LIMS1: variants seen among roughly 807,000 people sequenced by gnomAD.
LIMS1 encodes LIM zinc finger domain containing 1, also known as LIM and senescent cell antigen-like-containing domain protein 1.
Under a neutral mutation model 44.1 loss-of-function variants are expected in LIMS1, and 18 were observed. That is an observed-to-expected ratio of 0.41 (90% CI 0.28 to 0.61). The LOEUF (loss-of-function observed/expected upper bound fraction) is 0.61, where lower values mean the gene tolerates loss of function less well. Ranked by LOEUF, LIMS1 falls within the 20% of genes least tolerant of loss-of-function variation. The pLI is 0.32. For synonymous variants in LIMS1, 93 were observed against 149.1 expected (o/e 0.62, Z 2.74); for missense variants, 201 against 422.0 (o/e 0.48, Z 4.59).
chr2:108,558,375 G>T (rs1013501592), intron 1 of LIMS1, among the ~76,000 whole-genome samples: 1 of 151,942 alleles, frequency 6.6e-6, no homozygotes, highest in South Asian at 2.1e-4. Flanking sequence ...CTGCCACCAT[G>T]CCTGGCTAAT....
At position 108,628,186 on chromosome 2, in the gene LIMS1, C is replaced by G. The variant is rs115342792; in HGVS notation, c.33-31419C>G. ...TTCACCACAGCTCTGGTCACTTTCC[C>G]TTGACTTCTTGAAGTTTGACAGCAG... is the stretch of plus-strand genomic sequence containing the variant. On this transcript the variant is annotated intron_variant, in intron 1 of 9. Coordinates refer to ENST00000544547, the Ensembl canonical transcript of LIMS1. Among the ~76,000 whole-genome samples the G allele has an allele frequency of 4.1e-3, 620 of 152,348 alleles. 4 individuals carry two copies. Among genetic ancestry groups the G allele is most frequent in the African/African-American group, 0.014 (588 of 41,582 alleles).
At chr2:108,677,796 T>C (rs1425657071) in intron 7 of LIMS1, among the ~76,000 whole-genome samples, 183 bp from the exon 8 acceptor site, 3 of 152,256 alleles carry the variant, frequency 2.0e-5, no homozygotes, top group Admixed American at 2.0e-4. Flanking sequence ...CTGGAAAGTT[T>C]TTCTTTTAAT....
intron 1 of LIMS1, among the ~76,000 whole-genome samples, chr2:108,645,082 T>C (rs1689968960): frequency 6.6e-6 from 1 of 152,080 alleles, no homozygotes; most frequent in South Asian, 2.1e-4. Context: ...TTCCTCAGGA[T>C]ATTATCTAGG....
At chr2:108,558,981 T>G (rs556025233) in intron 1 of LIMS1, among the ~76,000 whole-genome samples, 8 of 152,244 alleles carry the variant, frequency 5.3e-5, no homozygotes, top group Admixed American at 6.5e-5. Context: ...AAGAACATAT[T>G]TAAATGTACA....
chr2:108,613,105 G>T (rs1687747582), intron 1 of LIMS1, among the ~76,000 whole-genome samples: 1 of 152,118 alleles, frequency 6.6e-6, no homozygotes, highest in Admixed American at 6.6e-5. Context: ...CTGTAAATGG[G>T]TATAATCACA....
intron 1 of LIMS1, among the ~76,000 whole-genome samples, chr2:108,584,054 G>A (rs541211915): frequency 6.6e-6 from 1 of 152,224 alleles, no homozygotes; most frequent in Admixed American, 6.5e-5. Context: ...AGGGATGGAT[G>A]GAAAAGGCTG....
chr2:108,642,991 G>C (rs187530311), intron 1 of LIMS1, among the ~76,000 whole-genome samples: 186 of 152,326 alleles, frequency 1.2e-3, no homozygotes, highest in African/African-American at 4.4e-3. Flanking sequence ...ATTTGCCGCA[G>C]TAGGTCAATC....
chr2:108,595,063 C>G (rs981522595), intron 1 of LIMS1, among the ~76,000 whole-genome samples: 4 of 152,116 alleles, frequency 2.6e-5, no homozygotes, highest in Non-Finnish European at 4.4e-5. Flanking sequence ...AGAATGTGAC[C>G]ATATCATGCA....
chr2:108,601,753 G>T (rs1687030300), intron 1 of LIMS1, among the ~76,000 whole-genome samples: 1 of 152,232 alleles, frequency 6.6e-6, no homozygotes, highest in Non-Finnish European at 1.5e-5. Context: ...CTGAACTCAG[G>T]TGATCCACCC....
chr2:108,660,303 C>T (rs1223918420), intron 2 of LIMS1: 3 of 468,150 alleles, frequency 6.4e-6, no homozygotes, highest in Non-Finnish European at 1.3e-5. Context: ...ACATTTAGCT[C>T]TCCTGGGTGT....
chr2:108,667,808 C>T (rs1286536565), intron 2 of LIMS1, among the ~76,000 whole-genome samples: 1 of 151,958 alleles, frequency 6.6e-6, no homozygotes, highest in African/African-American at 2.4e-5. Context: ...GGTATACTTA[C>T]TTGCATATAA....
At chr2:108,681,179 G>A (rs1692969835) in intron 9 of LIMS1, 3 of 1,256,844 alleles carry the variant, frequency 2.4e-6, no homozygotes, top group Non-Finnish European at 3.0e-6. Flanking sequence ...TTTGGAATAT[G>A]TTTTTGTTCT....
rs753691810 is a variant in LIMS1 at position 108,569,764 on chromosome 2, C to CCT, written c.32+35170_32+35171insCT. Reference sequence around the variant, plus strand: ...TACAAACACTCACCGCCATATCTGGCTTTTTTTTTTTTTTTTTTTAGTGAT... The same window carrying CCT: ...TACAAACACTCACCGCCATATCTGGCCTTTTTTTTTTTTTTTTTTTTAGTGAT... On this transcript the variant is annotated intron_variant, in intron 1 of 9. Coordinates refer to ENST00000544547, the Ensembl canonical transcript of LIMS1. Among the ~76,000 whole-genome samples, 24 of 113,126 alleles carry CCT rather than the reference C, an allele frequency of 2.1e-4. 3 individuals carry two copies. The highest frequency in any genetic ancestry group is 6.5e-4 in the East Asian group (2 of 3,058). 74.2% of individuals were successfully genotyped at this position (113,126 alleles called of 152,430 possible).
At chr2:108,686,305 C>CAAG (rs1426954771) in exon 10 of LIMS1, 2 of 151,776 alleles carry the variant, frequency 1.3e-5, no homozygotes, top group African/African-American at 4.8e-5. Flanking sequence ...GGCAACAGAG[C>CAAG]AAGACTCTGT....
intron 1 of LIMS1, among the ~76,000 whole-genome samples, chr2:108,636,154 G>A (rs955625546): frequency 1.3e-5 from 2 of 152,218 alleles, no homozygotes; most frequent in Non-Finnish European, 2.9e-5. Flanking sequence ...AGTGCCAAGG[G>A]AGGAGCCCTA....
intron 1 of LIMS1, among the ~76,000 whole-genome samples, chr2:108,591,079 G>A (rs1483458027): frequency 6.6e-6 from 1 of 152,208 alleles, no homozygotes; most frequent in Non-Finnish European, 1.5e-5. Context: ...CATTAGGGAA[G>A]CATCTGTGAT....
rs370588971 is a variant in LIMS1 at position 108,667,454 on chromosome 2, C to T, written c.193-3327C>T. ...CATGGTCAGTGTTCTTGACTCCTACCTGTCTTGTTAAAAGATGTTTCCAAA... is the reference window on the plus strand; with the variant it reads ...CATGGTCAGTGTTCTTGACTCCTACTTGTCTTGTTAAAAGATGTTTCCAAA... On this transcript the variant is annotated intron_variant, in intron 2 of 9. Coordinates refer to ENST00000544547, the Ensembl canonical transcript of LIMS1. Among the ~76,000 whole-genome samples the T allele has an allele frequency of 1.2e-3, 183 of 151,158 alleles. 3 individuals carry two copies. The highest frequency in any genetic ancestry group is 3.9e-3 in the African/African-American group (162 of 41,156).
intron 3 of LIMS1, among the ~76,000 whole-genome samples, chr2:108,671,306 G>C (rs1197194601): frequency 3.3e-5 from 5 of 151,902 alleles, no homozygotes; most frequent in Non-Finnish European, 7.4e-5. Flanking sequence ...TGTTAACATA[G>C]AACAAGCTGG....
chr2:108,603,515 T>C lies in LIMS1; in HGVS notation c.33-56090T>C, dbSNP rs1035221591. The stretch of plus-strand genomic sequence containing the variant: ...ATCGCCTTTTTTTTTTTTTTTTTTT[T>C]TCCACTTGAGACAGAGTCTTGCTCT... On this transcript the variant is annotated intron_variant, in intron 1 of 9. Transcript: ENST00000544547. 3.3e-5 allele frequency among the ~76,000 whole-genome samples: 5 copies of C among 149,296 alleles called. No individual in the cohort carries two copies. In the East Asian group the frequency reaches 9.9e-4, roughly 30 times the overall value.
Sources: allele counts gnomAD v4.1 joint callset (sites outside exome capture counted in the v4.1 genomes callset), GRCh38; gene constraint gnomAD v4.1.1; transcripts MANE v1.5; gene names NCBI Gene and HGNC (gene_info 2026-07-23, HGNC 2026-07-21).